Variants in FARP1 observed in about 807,000 individuals in gnomAD.
The protein encoded by FARP1 is FERM, ARH/RhoGEF and pleckstrin domain protein 1.
Under a neutral mutation model 128.8 loss-of-function variants are expected in FARP1, and 52 were observed. That is an observed-to-expected ratio of 0.40 (90% CI 0.32 to 0.51). The LOEUF is 0.51. FARP1 is among the 20% of genes least tolerant of loss of function. FARP1 has a pLI of 0.45. For missense variants in FARP1, 1,333 were observed against 1,367.9 expected (o/e 0.97, Z 0.40); for synonymous variants, 580 against 551.8 (o/e 1.05, Z -0.72).
intron 21 of FARP1, among the ~76,000 whole-genome samples, chr13:98,439,676 G>A (rs1477877395): frequency 6.6e-6 from 1 of 152,190 alleles, no homozygotes; most frequent in African/African-American, 2.4e-5. Flanking sequence ...AGGGCGCCTG[G>A]GCCTGGGATG....
chr13:98,312,503 G>C (rs369002174), intron 2 of FARP1, among the ~76,000 whole-genome samples: 2 of 152,146 alleles, frequency 1.3e-5, no homozygotes, highest in African/African-American at 4.8e-5. Context: ...GCTTCAAACT[G>C]TAAGTATTCA....
At chr13:98,245,502 A>C (rs1235021260) in intron 2 of FARP1, among the ~76,000 whole-genome samples, 2 of 152,218 alleles carry the variant, frequency 1.3e-5, no homozygotes, top group Admixed American at 6.5e-5. Flanking sequence ...GGCATTTTCT[A>C]CTTGTGTAAA....
At chr13:98,224,496 C>T (rs183784116) in intron 2 of FARP1, among the ~76,000 whole-genome samples, 102 of 134,314 alleles carry the variant, frequency 7.6e-4, no homozygotes, top group African/African-American at 2.7e-3. Context: ...CACTGCACTC[C>T]AGCCTGGGCG....
chr13:98,271,304 G>A (rs926568164), intron 2 of FARP1, among the ~76,000 whole-genome samples: 10 of 152,158 alleles, frequency 6.6e-5, no homozygotes, highest in African/African-American at 2.4e-4. Flanking sequence ...TTTTTTCCAA[G>A]GACCCACTTG....
At chr13:98,187,969 A>C (rs1386857569) in intron 1 of FARP1, among the ~76,000 whole-genome samples, 1 of 152,250 alleles carries the variant, frequency 6.6e-6, no homozygotes, top group Non-Finnish European at 1.5e-5. Flanking sequence ...TGAGACAAAG[A>C]AAATGAAAGT....
intron 12 of FARP1, among the ~76,000 whole-genome samples, chr13:98,394,411 G>A (rs759808669): frequency 3.9e-5 from 6 of 152,230 alleles, no homozygotes; most frequent in Non-Finnish European, 8.8e-5. Context: ...TGATGACTGT[G>A]TCAACTTGCC....
intron 2 of FARP1, among the ~76,000 whole-genome samples, chr13:98,261,472 T>G (rs1883878017): frequency 6.6e-6 from 1 of 151,720 alleles, no homozygotes; most frequent in African/African-American, 2.4e-5. Flanking sequence ...ATCACATTCC[T>G]CTCTATAGAT....
chr13:98,316,269 T>C (rs1456473514), intron 2 of FARP1, among the ~76,000 whole-genome samples: 1 of 152,146 alleles, frequency 6.6e-6, no homozygotes, highest in Admixed American at 6.5e-5. Flanking sequence ...ATAACACCAT[T>C]AACAAGCAAA....
intron 3 of FARP1, among the ~76,000 whole-genome samples, chr13:98,361,716 G>A (rs537982176): frequency 3.6e-4 from 55 of 152,280 alleles, no homozygotes; most frequent in African/African-American, 1.3e-3. Context: ...ACAGAAAGGT[G>A]AACCTCCTTC....
chr13:98,444,442 C>T (rs1336498317), intron 24 of FARP1, among the ~76,000 whole-genome samples: 1 of 152,164 alleles, frequency 6.6e-6, no homozygotes, highest in African/African-American at 2.4e-5. Context: ...TGGTTCTGAA[C>T]AAGGATGTTG....
intron 2 of FARP1, among the ~76,000 whole-genome samples, chr13:98,316,249 T>TA (rs1456571618): frequency 6.6e-6 from 1 of 152,104 alleles, no homozygotes. Flanking sequence ...GTGGACTCCC[T>TA]AAAAAAGTCA....
At chr13:98,435,313 T>C (rs1892210651) in intron 18 of FARP1, 1 of 287,090 alleles carries the variant, frequency 3.5e-6, no homozygotes, top group South Asian at 7.0e-5. Flanking sequence ...AGCCAACAGG[T>C]CCGTCTAATT....
At chr13:98,375,621 T>C (rs1371974833) in intron 5 of FARP1, among the ~76,000 whole-genome samples, 2 of 151,972 alleles carry the variant, frequency 1.3e-5, no homozygotes, top group Non-Finnish European at 2.9e-5. Flanking sequence ...TTTTTTGTTG[T>C]TTTTATTGTT....
At chr13:98,416,685 G>A (rs191293187) in intron 16 of FARP1, among the ~76,000 whole-genome samples, 347 of 152,302 alleles carry the variant, frequency 2.3e-3, no homozygotes, top group Non-Finnish European at 4.1e-3. Context: ...AACCTTTGGC[G>A]TGCAGTCAGG....
At chr13:98,312,135 CT>C (rs60890411) in intron 2 of FARP1, among the ~76,000 whole-genome samples, 66 of 86,128 alleles carry the variant, frequency 7.7e-4, no homozygotes, top group East Asian at 1.9e-3. Context: ...GTGGTAACTG[CT>C]TTTTTTTTTT....
At chr13:98,291,827 A>T (rs890783878) in intron 2 of FARP1, among the ~76,000 whole-genome samples, 3 of 152,214 alleles carry the variant, frequency 2.0e-5, no homozygotes, top group Non-Finnish European at 4.4e-5. Flanking sequence ...TCATTCAAAG[A>T]ACAGTCTGTG....
rs1004421589 is a variant in FARP1, at chr13:98,351,099, T to C, written c.276+7233T>C. Among the ~76,000 whole-genome samples, 4 of 116,886 alleles carry C rather than the reference T, an allele frequency of 3.4e-5. No homozygotes were observed. In the Admixed American group the frequency reaches 4.0e-4, roughly 12 times the overall value. 76.7% of individuals were successfully genotyped at this position (116,886 alleles called of 152,430 possible). On this transcript the variant is annotated intron_variant, in intron 3 of 26. Coordinates refer to ENST00000319562, the MANE Select transcript of FARP1 (RefSeq NM_005766.4). ...CCTCCCCACAGAAGCGATCCTGCCC[T>C]TGTTCCCCCTCCCCCTCTCCCTCTG... is the stretch of plus-strand genomic sequence containing the variant.
At chr13:98,179,144 T>G (rs975619648) in intron 1 of FARP1, among the ~76,000 whole-genome samples, 1 of 152,216 alleles carries the variant, frequency 6.6e-6, no homozygotes, top group Admixed American at 6.5e-5. Flanking sequence ...GGACTTACAT[T>G]TCCATGTGGC....
intron 2 of FARP1, among the ~76,000 whole-genome samples, chr13:98,274,327 G>C (rs1266541376): frequency 6.6e-6 from 1 of 152,148 alleles, no homozygotes; most frequent in African/African-American, 2.4e-5. Flanking sequence ...GCGGGGCAGC[G>C]TGGGGCTCCT....
Sources: allele counts gnomAD v4.1 joint callset (sites outside exome capture counted in the v4.1 genomes callset), GRCh38; gene constraint gnomAD v4.1.1; transcripts MANE v1.5; gene names NCBI Gene and HGNC (gene_info 2026-07-23, HGNC 2026-07-21).